C9orf72: variants seen among roughly 807,000 people sequenced by gnomAD.
The protein encoded by C9orf72 is C9orf72-SMCR8 complex subunit.
A neutral mutation model predicts 51.6 loss-of-function variants in C9orf72; 44 were observed. That is an observed-to-expected ratio of 0.85 (90% CI 0.67 to 1.10). The LOEUF (loss-of-function observed/expected upper bound fraction) is 1.10. Ranked by LOEUF, C9orf72 falls within the 50% of genes least tolerant of loss-of-function variation. The pLI, the probability that C9orf72 is intolerant of heterozygous loss-of-function variation, is 0.00. For synonymous variants in C9orf72, 213 were observed against 194.2 expected (o/e 1.10, Z -0.81); for missense variants, 607 against 570.6 (o/e 1.06, Z -0.65).
At chr9:27,566,400 C>T (rs999611292) in intron 2 of C9orf72, among the ~76,000 whole-genome samples, 3 of 152,088 alleles carry the variant, frequency 2.0e-5, no homozygotes, top group Non-Finnish European at 2.9e-5. Flanking sequence ...GTCAAAGGCT[C>T]CCAAGAAGAA....
chr9:27,553,133 G>T (rs1014839785), intron 8 of C9orf72, among the ~76,000 whole-genome samples: 2 of 152,062 alleles, frequency 1.3e-5, no homozygotes, highest in African/African-American at 4.8e-5. Flanking sequence ...TTGTTAAAAT[G>T]GCCATACTGC....
At position 27,547,443 on chromosome 9, in the gene C9orf72, G is replaced by A. The variant is rs1820791421; in HGVS notation, c.*793C>T. ...TTTTCTAAGGAGAAAAAAGGCACAGGAGGTGCACATTTCAATTTGGCTCAA... is the reference window on the plus strand; with the variant it reads ...TTTTCTAAGGAGAAAAAAGGCACAGAAGGTGCACATTTCAATTTGGCTCAA... On this transcript the variant is annotated 3_prime_UTR_variant, in exon 11 of 11. Transcript: ENST00000380003. The A allele has an allele frequency of 1.3e-5, 2 of 152,624 alleles. No homozygotes were observed. The highest frequency in any genetic ancestry group is 2.9e-5 in the Non-Finnish European group (2 of 68,034). The allele number at this position is 152,624 out of a possible 1,614,324, so 9.5% of individuals were successfully genotyped here.
intron 3 of C9orf72, among the ~76,000 whole-genome samples, chr9:27,562,850 TA>T (rs1279377403): frequency 6.6e-6 from 1 of 152,102 alleles, no homozygotes; most frequent in African/African-American, 2.4e-5. Flanking sequence ...TTTGTATTTT[TA>T]GTAGAGACGG....
intron 1 of C9orf72, among the ~76,000 whole-genome samples, chr9:27,568,110 C>CA (rs1819510108): frequency 1.3e-5 from 1 of 79,864 alleles, no homozygotes; most frequent in African/African-American, 4.8e-5. Flanking sequence ...AAAAAAAAGA[C>CA]ATGGAAATAC....
chr9:27,554,210 G>A (rs1011022399), intron 8 of C9orf72, among the ~76,000 whole-genome samples: 1 of 152,162 alleles, frequency 6.6e-6, no homozygotes, highest in Non-Finnish European at 1.5e-5. Flanking sequence ...AAAGACACAT[G>A]CATGTGTATG....
chr9:27,572,850 A>G (rs1485900494), intron 1 of C9orf72, among the ~76,000 whole-genome samples: 1 of 152,238 alleles, frequency 6.6e-6, no homozygotes, highest in East Asian at 1.9e-4. Context: ...CAACCAGGTC[A>G]TGTCCCACAG....
chr9:27,572,748 C>T (rs897266655), intron 1 of C9orf72, among the ~76,000 whole-genome samples: 17 of 152,156 alleles, frequency 1.1e-4, no homozygotes, highest in African/African-American at 4.1e-4. Flanking sequence ...CTGTGCACTT[C>T]TTTAGACAAC....
intron 5 of C9orf72, chr9:27,561,240 C>G: frequency 9.4e-7 from 1 of 1,061,698 alleles, no homozygotes; most frequent in Non-Finnish European, 1.1e-6. Context: ...TAATTTTGTT[C>G]TACGCCTAAA....
chr9:27,558,986 T>C (rs1192378794), intron 6 of C9orf72: 1 of 155,066 alleles, frequency 6.4e-6, no homozygotes, highest in Non-Finnish European at 1.4e-5. Context: ...TCAAAGAATG[T>C]CCAGATCCTC....
At position 27,567,032 on chromosome 9, in the gene C9orf72, A is replaced by T. The variant is rs1186209274; in HGVS notation, c.89T>A (p.Phe30Tyr). The T allele has an allele frequency of 1.2e-6, 2 of 1,614,064 alleles. No homozygotes were observed. The highest frequency in any genetic ancestry group is 1.7e-5 in the Admixed American group (1 of 60,026). Reference protein sequence around the residue: ...SGKSPLLAATFAYWDNILGPR... With the variant: ...SGKSPLLAATYAYWDNILGPR... Reference sequence around the variant, plus strand: ...ACCAAGAATATTGTCCCAGTAAGCAAAAGTAGCTGCTAATAAAGGTGATTT... The same window carrying T: ...ACCAAGAATATTGTCCCAGTAAGCATAAGTAGCTGCTAATAAAGGTGATTT... The change falls in exon 2 of 11, where the codon TTT becomes TAT. Residue 30 changes from phenylalanine (F) to tyrosine (Y), a missense_variant. By Grantham distance (22) the Phe-to-Tyr change is conservative. Transcript: ENST00000380003.
chr9:27,559,663 T>G (rs1819293592), intron 6 of C9orf72: 1 of 152,154 alleles, frequency 6.6e-6, no homozygotes, highest in Non-Finnish European at 1.5e-5. Context: ...TGAAGAAAAG[T>G]GCAAAATCCT....
intron 5 of C9orf72, chr9:27,561,265 C>G: frequency 9.1e-7 from 1 of 1,096,932 alleles, no homozygotes; most frequent in Non-Finnish European, 1.1e-6. Context: ...TTAAGTTCAT[C>G]TACAGTACAA....
chr9:27,561,343 C>T, intron 5 of C9orf72: 1 of 1,262,658 alleles, frequency 7.9e-7, no homozygotes, highest in South Asian at 2.0e-5. Flanking sequence ...AAGCAAGGGG[C>T]CATGATTTCT....
intron 5 of C9orf72, 141 bp downstream of exon 5, chr9:27,561,444 T>G (rs1819343942): frequency 4.3e-6 from 6 of 1,383,290 alleles, no homozygotes; most frequent in African/African-American, 1.8e-5. Context: ...TAACACAAAT[T>G]TAAGCAACAG....
chr9:27,566,856 C>T lies in C9orf72; in HGVS notation c.265G>A (p.Glu89Lys). 1 of 1,614,008 alleles carries T rather than the reference C, an allele frequency of 6.2e-7. No homozygotes were observed. Among genetic ancestry groups the T allele is most frequent in the Non-Finnish European group, 8.5e-7 (1 of 1,179,920 alleles). Reference sequence around the variant, plus strand: ...AATGAAACAATAATCACTCCCTTTTCAGACAAGACAAAAAACTTTACATCT... The same window carrying T: ...AATGAAACAATAATCACTCCCTTTTTAGACAAGACAAAAAACTTTACATCT... Reference protein sequence around the residue: ...AIDVKFFVLSEKGVIIVSLIF... With the variant: ...AIDVKFFVLSKKGVIIVSLIF... Residue 89 changes from glutamate (E) to lysine (K), a missense_variant, in exon 2 of 11, where the codon GAA (glutamate) becomes AAA (lysine). By Grantham distance (56) the Glu-to-Lys change is moderately conservative. Transcript: ENST00000380003.
In C9orf72 at chr9:27,556,639, G is replaced by T; in HGVS notation, c.1013C>A (p.Ala338Asp). The change falls in exon 8 of 11, where the codon GCC becomes GAC. Residue 338 changes from alanine to aspartate, a missense_variant. Transcript: ENST00000380003. ...QRRYMRSELT[A>D]FWRATSEEDM... ...TTCTTCTGAAGTGGCTCTCCAGAAG[G>T]CTGTCAGCTCGGATCTCATGTATCT... The T allele has an allele frequency of 6.2e-7, 1 of 1,613,912 alleles. No individual in the cohort carries two copies. Among genetic ancestry groups the T allele is most frequent in the Non-Finnish European group, 8.5e-7 (1 of 1,179,862 alleles).
At chr9:27,559,404 G>A (rs1256041304) in intron 6 of C9orf72, 2 of 151,886 alleles carry the variant, frequency 1.3e-5, no homozygotes, top group Admixed American at 6.6e-5. Context: ...GAAGGAATAA[G>A]GTCACTAGTT....
Position 27,548,261 on chromosome 9 carries a change from T to G in C9orf72, c.1421A>C (p.Glu474Ala). 1 of 1,609,510 alleles carries G rather than the reference T, an allele frequency of 6.2e-7. No homozygotes were observed. The highest frequency in any genetic ancestry group is 8.5e-7 in the Non-Finnish European group (1 of 1,178,292). ...TTAAAAAGTCATTAGAACATCTCGTTCTTGCACACTAGTGTAGAAAGGTCT... is the reference window on the plus strand; with the variant it reads ...TTAAAAAGTCATTAGAACATCTCGTGCTTGCACACTAGTGTAGAAAGGTCT... ...FGRPFYTSVQERDVLMTF is the reference protein window; with the variant it reads ...FGRPFYTSVQARDVLMTF The change falls in exon 11 of 11, where the codon GAA becomes GCA. Residue 474 changes from glutamate to alanine, a missense_variant. Glu to Ala is a moderately radical substitution (Grantham distance 107). Transcript: ENST00000380003.
Position 27,548,383 on chromosome 9 carries a change from C to G in C9orf72, c.1299G>C (p.Leu433=). The G allele has an allele frequency of 7.2e-7, 1 of 1,390,812 alleles. No homozygotes were observed. The highest frequency in any genetic ancestry group is 9.5e-7 in the Non-Finnish European group (1 of 1,047,796). The allele number at this position is 1,390,812 out of a possible 1,614,324, so 86.2% of individuals were successfully genotyped here. ...GKKPFKSLRN[L]KIDLDLTAEG... ...CTGCTGTTAAATCAAGGTCTATCTTCAGGTTCCGAAGAGATTTAAAGGGCT... is the reference window on the plus strand; with the variant it reads ...CTGCTGTTAAATCAAGGTCTATCTTGAGGTTCCGAAGAGATTTAAAGGGCT... Residue 433 remains leucine, a synonymous_variant, in exon 11 of 11, where the codon CTG becomes CTC. Transcript: ENST00000380003.
Sources: gnomAD v4.1 joint callset for allele counts (sites outside exome capture counted in the v4.1 genomes callset) on GRCh38, gnomAD v4.1.1 for gene constraint, MANE v1.5 for transcripts, NCBI Gene and HGNC (gene_info 2026-07-23, HGNC 2026-07-21) for gene names.